The following KLHL11 variants were observed in gnomAD, a reference collection of about 807,000 sequenced individuals.
KLHL11 encodes kelch like family member 11.
In KLHL11, 26 loss-of-function variants were observed where a neutral mutation model predicts 56.1. The ratio of observed to expected loss-of-function variants is 0.46; its 90% confidence interval spans 0.34 to 0.64. The LOEUF is 0.64. Ranked by LOEUF, KLHL11 falls within the 30% of genes least tolerant of loss-of-function variation. The pLI, the probability that KLHL11 is intolerant of heterozygous loss-of-function variation, is 0.01. For synonymous variants in KLHL11, 338 were observed against 345.8 expected, an observed-to-expected ratio of 0.98 and a Z score of 0.25; for missense variants, 627 against 919.4, an observed-to-expected ratio of 0.68 and a Z score of 4.11.
rs782206413 is a variant in KLHL11 at position 41,853,960 on chromosome 17, G to A, written c.1907C>T (p.Ala636Val). The A allele has an allele frequency of 2.1e-5, 34 of 1,613,962 alleles. No individual in the cohort carries two copies. The East Asian group carries it at 3.6e-4, about 17-fold the overall frequency. The stretch of plus-strand genomic sequence containing the variant: ...AAGAAGCATCCACCTCTTCCTCTCC[G>A]CACAATATCGGTAGGCTTCTTTCCG... ...QYRKEAYRYC[A>V]ERKRWMLLPP... is the part of the protein sequence containing the mutation. The change falls in exon 2 of 2, where the codon GCG becomes GTG. Residue 636 changes from alanine to valine, a missense_variant. By Grantham distance (64) the Ala-to-Val change is moderately conservative (BLOSUM62 0). This residue lies in a region of KLHL11 where 250 missense variants were observed against 360.6 expected (regional missense o/e 0.69). Transcript: ENST00000319121.
Position 41,853,683 on chromosome 17 carries a change from G to GT in KLHL11, c.*56dup. The GT allele has an allele frequency of 6.5e-7, 1 of 1,530,696 alleles. No individual in the cohort carries two copies. Among genetic ancestry groups the GT allele is most frequent in the Non-Finnish European group, 8.8e-7 (1 of 1,137,974 alleles). 94.8% of individuals were successfully genotyped at this position (1,530,696 alleles called of 1,614,324 possible). ...CATACTTTTTTAAATAACAGCCTGG[G>GT]TATCTTCAGCTTCACGAAACGGGTG... is the stretch of plus-strand genomic sequence containing the variant. On this transcript the variant is annotated 3_prime_UTR_variant, in exon 2 of 2. Transcript: ENST00000319121.
At position 41,863,554 on chromosome 17, in the gene KLHL11, C is replaced by T. The variant is rs117945736; in HGVS notation, c.545+1272G>A. Among the ~76,000 whole-genome samples, 672 of 152,280 alleles carry T rather than the reference C, an allele frequency of 4.4e-3. 1 individual carries two copies. The highest frequency in any genetic ancestry group is 6.5e-3 in the Non-Finnish European group (445 of 68,004). ...CAAATCAGACTGCATCATTCCTCTGCCCCAAACCTTCCCATTTCAATCAGA... is the reference window on the plus strand; with the variant it reads ...CAAATCAGACTGCATCATTCCTCTGTCCCAAACCTTCCCATTTCAATCAGA... On this transcript the variant is annotated intron_variant, in intron 1 of 1. Transcript: ENST00000319121.
chr17:41,855,718 C>T (rs1314422104), intron 1 of KLHL11, among the ~76,000 whole-genome samples: 4 of 148,592 alleles, frequency 2.7e-5, no homozygotes, highest in African/African-American at 1.0e-4. Context: ...ATCGGCCAGG[C>T]TGGTGTGCAG....
At position 41,852,420 on chromosome 17, in the gene KLHL11, T is replaced by A. The variant is rs1692643653; in HGVS notation, c.*1320A>T. ...CTGGATAAAATATAACAATCAGAAA[T>A]AATAAGGCTTCTCTTTAGCAACATT... is the stretch of plus-strand genomic sequence containing the variant. On this transcript the variant is annotated 3_prime_UTR_variant, in exon 2 of 2. Coordinates refer to ENST00000319121, the MANE Select transcript of KLHL11 (RefSeq NM_018143.3). Among the ~76,000 whole-genome samples the A allele has an allele frequency of 6.6e-6, 1 of 152,086 alleles. No individual in the cohort carries two copies. Among genetic ancestry groups the A allele is most frequent in the Non-Finnish European group, 1.5e-5 (1 of 68,012 alleles).
At chr17:41,860,704 C>T (rs1555623003) in intron 1 of KLHL11, among the ~76,000 whole-genome samples, 1 of 152,078 alleles carries the variant, frequency 6.6e-6, no homozygotes. Context: ...GAGCTATGCC[C>T]ATCCCACTCC....
rs1555622304 is a variant in KLHL11 at position 41,854,347 on chromosome 17, G to A, written c.1520C>T (p.Ala507Val). The change falls in exon 2 of 2, where the codon GCC (alanine) becomes GTC (valine). Residue 507 changes from alanine (A) to valine (V), a missense_variant. This residue lies in a region of KLHL11 where 250 missense variants were observed against 360.6 expected (regional missense o/e 0.69). Transcript: ENST00000319121. This position sits in a 1 kb window ranked among gnomAD's most constrained non-coding sequence, Gnocchi z 4.9. Reference sequence around the variant, plus strand: ...GTCCCGGTCTACAGGAGTGCGGGCGGCAATGTATACAAACCGGTCTTCAAT... The same window carrying A: ...GTCCCGGTCTACAGGAGTGCGGGCGACAATGTATACAAACCGGTCTTCAAT... ...LAIEDRFVYI[A>V]ARTPVDRDTE... The A allele has an allele frequency of 6.2e-7, 1 of 1,614,160 alleles. No individual in the cohort carries two copies. Among genetic ancestry groups the A allele is most frequent in the East Asian group, 2.2e-5 (1 of 44,894 alleles).
Position 41,864,806 on chromosome 17 carries a change from C to G in KLHL11, c.545+20G>C. The G allele has an allele frequency of 3.4e-6, 5 of 1,488,810 alleles. No individual in the cohort carries two copies. The highest frequency in any genetic ancestry group is 4.5e-6 in the Non-Finnish European group (5 of 1,117,870). The allele number at this position is 1,488,810 out of a possible 1,614,324, so 92.2% of individuals were successfully genotyped here. On this transcript the variant is annotated intron_variant, in intron 1 of 1. Transcript: ENST00000319121. ...CTCTCCGCGCCCGCCGCCCTCCGCG[C>G]TCCCGCCTCCCTCGCCTACCTGTCG...
chr17:41,848,961 T>C lies in KLHL11; in HGVS notation c.*4779A>G, dbSNP rs905066306. 7 of 152,300 alleles carry C rather than the reference T, an allele frequency of 4.6e-5. No individual in the cohort carries two copies. Among genetic ancestry groups the C allele is most frequent in the Non-Finnish European group, 8.8e-5 (6 of 68,094 alleles). 9.4% of individuals were successfully genotyped at this position (152,300 alleles called of 1,614,324 possible). A position where few individuals can be genotyped will look rare whatever the true frequency, so the allele number is the denominator to read the frequency against. ...GTGTAATAAACAAACCGCAGTGATT[T>C]TGCTATCTAATTAAATTACTTGAAG... On this transcript the variant is annotated 3_prime_UTR_variant, in exon 2 of 2. Transcript: ENST00000319121.
rs1184440115 is a variant in KLHL11, at chr17:41,852,970, T to G, written c.*770A>C. On this transcript the variant is annotated 3_prime_UTR_variant, in exon 2 of 2. Transcript: ENST00000319121. ...ATTTTAAATGCCTTTGATTTCCCAG[T>G]CTACACTAATACTTTTCTTCTTAGA... is the stretch of plus-strand genomic sequence containing the variant. Among the ~76,000 whole-genome samples the G allele has an allele frequency of 6.6e-6, 1 of 152,192 alleles. No homozygotes were observed. The highest frequency in any genetic ancestry group is 1.9e-4 in the East Asian group (1 of 5,196).
chr17:41,854,653 G>A lies in KLHL11; in HGVS notation c.1214C>T (p.Thr405Ile). Reference protein sequence around the residue: ...NHLDGHAVAVTESYVYVAGSM... With the variant: ...NHLDGHAVAVIESYVYVAGSM... ...TCCAGCAACATACACGTAGGATTCT[G>A]TTACTGCAACAGCATGTCCATCGAG... The change falls in exon 2 of 2, where the codon ACA (threonine) becomes ATA (isoleucine). Residue 405 changes from threonine to isoleucine, a missense_variant. Thr to Ile is a moderately conservative substitution (Grantham distance 89, BLOSUM62 -1). Coordinates refer to ENST00000319121, the MANE Select transcript of KLHL11 (RefSeq NM_018143.3). This position sits in a 1 kb window ranked among gnomAD's most constrained non-coding sequence, Gnocchi z 4.9. 6.2e-7 allele frequency: 1 copy of A among 1,614,160 alleles called. No homozygotes were observed. The highest frequency in any genetic ancestry group is 8.5e-7 in the Non-Finnish European group (1 of 1,180,048).
intron 1 of KLHL11, among the ~76,000 whole-genome samples, chr17:41,856,630 C>G (rs1350829251): frequency 1.3e-5 from 2 of 152,040 alleles, no homozygotes; most frequent in Non-Finnish European, 2.9e-5. Flanking sequence ...GGGGCTCACA[C>G]CTATAATCCC....
In KLHL11 at chr17:41,855,082, G is replaced by A. The variant is rs782467055; in HGVS notation, c.785C>T (p.Ser262Phe). The change falls in exon 2 of 2, where the codon TCT becomes TTT. Residue 262 changes from serine (S) to phenylalanine (F), a missense_variant. By Grantham distance (155) the Ser-to-Phe change is radical. Coordinates refer to ENST00000319121, the MANE Select transcript of KLHL11 (RefSeq NM_018143.3). ...WLSDLEITVD[S>F]EEVLFETVLK... Reference sequence around the variant, plus strand: ...AACGGTTTCAAAGAGAACCTCTTCAGAATCAACTGTAATTTCCAAATCTGA... The same window carrying A: ...AACGGTTTCAAAGAGAACCTCTTCAAAATCAACTGTAATTTCCAAATCTGA... 15 of 1,614,138 alleles carry A rather than the reference G, an allele frequency of 9.3e-6. No homozygotes were observed. Among genetic ancestry groups the A allele is most frequent in the Non-Finnish European group, 1.3e-5 (15 of 1,180,028 alleles).
intron 1 of KLHL11, among the ~76,000 whole-genome samples, chr17:41,859,931 G>A (rs1394278716): frequency 2.6e-5 from 4 of 152,120 alleles, no homozygotes; most frequent in African/African-American, 9.7e-5. Flanking sequence ...TAAGTCCCCA[G>A]AACCGAGAAG....
chr17:41,850,222 A>G lies in KLHL11; in HGVS notation c.*3518T>C, dbSNP rs1369315438. ...ACAAGTTAGTTAGGATATTTCAGAA[A>G]CACAAGTTATTGATGTGAAATTACA... On this transcript the variant is annotated 3_prime_UTR_variant, in exon 2 of 2. Transcript: ENST00000319121. The G allele has an allele frequency of 1.3e-5, 2 of 152,216 alleles. No homozygotes were observed. Among genetic ancestry groups the G allele is most frequent in the Admixed American group, 1.3e-4 (2 of 15,274 alleles). 9.4% of individuals were successfully genotyped at this position (152,216 alleles called of 1,614,324 possible).
intron 1 of KLHL11, among the ~76,000 whole-genome samples, chr17:41,859,779 T>G (rs1227151056): frequency 6.6e-6 from 1 of 152,150 alleles, no homozygotes; most frequent in Admixed American, 6.5e-5. Flanking sequence ...TGATCTGGCA[T>G]GTAGCTGACT....
At chr17:41,864,751 G>A in intron 1 of KLHL11, 75 bp downstream of exon 1, 2 of 1,390,862 alleles carry the variant, frequency 1.4e-6, no homozygotes, top group Non-Finnish European at 1.9e-6. Flanking sequence ...GGCAGGCACT[G>A]CCCTCCCCTC....
At position 41,853,887 on chromosome 17, in the gene KLHL11, C is replaced by T. The variant is rs142287839; in HGVS notation, c.1980G>A (p.Arg660=). ...PRCRATACHV[R]IPYRYLHGTQ... Reference sequence around the variant, plus strand: ...TGCCATGCAAGTACCGGTATGGGATCCTCACGTGACAAGCAGTGGCTCTAC... The same window carrying T: ...TGCCATGCAAGTACCGGTATGGGATTCTCACGTGACAAGCAGTGGCTCTAC... The change falls in exon 2 of 2, where the codon AGG becomes AGA. Residue 660 remains arginine (R), a synonymous_variant. Transcript: ENST00000319121. The T allele has an allele frequency of 6.7e-4, 1,084 of 1,614,126 alleles. No individual in the cohort carries two copies. Among genetic ancestry groups the T allele is most frequent in the Non-Finnish European group, 8.1e-4 (955 of 1,180,046 alleles).
Position 41,853,509 on chromosome 17 carries a change from T to C in KLHL11, c.*231A>G, listed in dbSNP as rs925747067. The C allele has an allele frequency of 4.5e-6, 2 of 447,214 alleles. No individual in the cohort carries two copies. The highest frequency in any genetic ancestry group is 7.8e-6 in the Non-Finnish European group (2 of 257,458). The allele number at this position is 447,214 out of a possible 1,614,324, so 27.7% of individuals were successfully genotyped here. The stretch of plus-strand genomic sequence containing the variant: ...TCCACTTGTCCTTAATAAGATCTTA[T>C]TTAGCTAGCACAAACAAACAAACCA... On this transcript the variant is annotated 3_prime_UTR_variant, in exon 2 of 2. Transcript: ENST00000319121.
chr17:41,865,239 G>A lies in KLHL11; in HGVS notation c.132C>T (p.Gly44=), dbSNP rs202192510. ...AGLAAEVRGS[G]TVDFGPGPGI... ...CCGGCCCAGGCCCGAAGTCCACCGT[G>A]CCGCTGCCTCGGACCTCGGCGGCCA... Residue 44 remains glycine (G), a synonymous_variant, in exon 1 of 2, where the codon GGC becomes GGT. Coordinates refer to ENST00000319121, the MANE Select transcript of KLHL11 (RefSeq NM_018143.3). 8.3e-5 allele frequency: 132 copies of A among 1,594,544 alleles called. No homozygotes were observed. The highest frequency in any genetic ancestry group is 1.0e-4 in the Non-Finnish European group (121 of 1,173,212).
Sources: allele counts gnomAD v4.1 joint callset (sites outside exome capture counted in the v4.1 genomes callset), GRCh38; gene constraint gnomAD v4.1.1; regional missense constraint gnomAD v4.1.1; non-coding constraint Gnocchi (gnomAD v3.1); transcripts MANE v1.5; gene names NCBI Gene and HGNC (gene_info 2026-07-23, HGNC 2026-07-21).